Variants in VWCE observed in about 807,000 individuals in gnomAD.
VWCE encodes von Willebrand factor C and EGF domain-containing protein.
In VWCE, 68 loss-of-function variants were observed where a neutral mutation model predicts 102.9. The observed-to-expected ratio is 0.66, with a 90% confidence interval of 0.54 to 0.81. The LOEUF (loss-of-function observed/expected upper bound fraction) is 0.81. Among genes scored for constraint, VWCE ranks in the 30% least tolerant of loss-of-function variants. The pLI is 0.00. For missense variants in VWCE, 1,137 were observed against 1,263.6 expected, an observed-to-expected ratio of 0.90 and a Z score of 1.52; for synonymous variants, 497 against 515.4, an observed-to-expected ratio of 0.96 and a Z score of 0.48.
rs1350486244 is a variant in VWCE at position 61,286,169 on chromosome 11, T to C, written c.541+145A>G. On this transcript the variant is annotated intron_variant, in intron 5 of 19. Coordinates refer to ENST00000335613, the MANE Select transcript of VWCE (RefSeq NM_152718.2). The stretch of plus-strand genomic sequence containing the variant: ...CTCCACATCAGTCAGACAGGAACCA[T>C]AATAGCATCTCCCTCCGAAGCCGGT... 3.7e-6 allele frequency: 3 copies of C among 813,782 alleles called. No individual in the cohort carries two copies. In the Admixed American group the frequency reaches 5.6e-5, roughly 15 times the overall value. The allele number at this position is 813,782 out of a possible 1,614,324, so 50.4% of individuals were successfully genotyped here.
At chr11:61,286,280 C>G (rs7106411) in intron 5 of VWCE, 34 bp downstream of exon 5, 19 of 1,591,036 alleles carry the variant, frequency 1.2e-5, no homozygotes, top group South Asian at 8.8e-5. Flanking sequence ...CCCATTACCC[C>G]TCCCAGAGCA....
chr11:61,293,848 C>T (rs1206350892), intron 1 of VWCE, among the ~76,000 whole-genome samples: 1 of 152,174 alleles, frequency 6.6e-6, no homozygotes, highest in Non-Finnish European at 1.5e-5. Flanking sequence ...AAAGCTGTCC[C>T]TGGGGCCTTT....
Position 61,274,523 on chromosome 11 carries a change from G to GT in VWCE, c.1556dup (p.Asp519GlufsTer22). 1 of 1,613,300 alleles carries GT rather than the reference G, an allele frequency of 6.2e-7. No homozygotes were observed. The highest frequency in any genetic ancestry group is 1.1e-5 in the South Asian group (1 of 90,838). ...CCTGGCAAACACAGGTGGTACACTC[G>GT]TCACCACCCCCACTGAACACAGCCC... On this transcript the variant is annotated frameshift_variant, in exon 12 of 20. Transcript: ENST00000335613. LOFTEE classifies it high-confidence loss of function.
chr11:61,281,768 G>T lies in VWCE; in HGVS notation c.787+18C>A. The T allele has an allele frequency of 6.3e-7, 1 of 1,599,570 alleles. No homozygotes were observed. On this transcript the variant is annotated intron_variant, in intron 7 of 19. Transcript: ENST00000335613. ...GGGGGCGTGGCCAGCCGCCGGGATG[G>T]AGGGGCCTGGCGCTCACCTTCACAG...
chr11:61,291,708 G>T, intron 1 of VWCE, 132 bp from the exon 2 acceptor site: 1 of 750,512 alleles, frequency 1.3e-6, no homozygotes, highest in Non-Finnish European at 1.9e-6. Context: ...GCAATGGGAA[G>T]TTTCCAAAGA....
Position 61,258,843 on chromosome 11 carries a change from T to G in VWCE, c.2700A>C (p.Ala900=). 2 of 1,517,610 alleles carry G rather than the reference T, an allele frequency of 1.3e-6. No individual in the cohort carries two copies. Among genetic ancestry groups the G allele is most frequent in the Non-Finnish European group, 8.8e-7 (1 of 1,135,532 alleles). The allele number at this position is 1,517,610 out of a possible 1,614,324, so 94.0% of individuals were successfully genotyped here. ...AGGGGCTGGGGTCCATCATGGAAAG[T>G]GCTGAAGCTTCCGTCAGGAGGGTGC... is the stretch of plus-strand genomic sequence containing the variant. The part of the protein sequence containing the change: ...LPGTLLTEAS[A]LSMMDPSPSK... Residue 900 remains alanine (A), a synonymous_variant, in exon 20 of 20, where the codon GCA becomes GCC. Transcript: ENST00000335613.
At position 61,258,714 on chromosome 11, in the gene VWCE, G is replaced by T; in HGVS notation, c.2829C>A (p.Pro943=). ...CTTCCCCCCGAGAAGCCCCCACTGG[G>T]GGCTGCTGGGGGCCAGGGTGGGTGG... ...AATTHPGPQQ[P]PVGASRGEES... Residue 943 remains proline (P), a synonymous_variant, in exon 20 of 20, where the codon CCC becomes CCA. Coordinates refer to ENST00000335613, the MANE Select transcript of VWCE (RefSeq NM_152718.2). 7.2e-7 allele frequency: 1 copy of T among 1,395,260 alleles called. No homozygotes were observed. Among genetic ancestry groups the T allele is most frequent in the Non-Finnish European group, 9.3e-7 (1 of 1,071,302 alleles). 86.4% of individuals were successfully genotyped at this position (1,395,260 alleles called of 1,614,324 possible).
chr11:61,292,321 CAGAG>C (rs1221714239), intron 1 of VWCE, among the ~76,000 whole-genome samples: 1 of 152,220 alleles, frequency 6.6e-6, no homozygotes, highest in Non-Finnish European at 1.5e-5. Context: ...GGCACCTTCT[CAGAG>C]AGGCCTTCCT....
chr11:61,260,265 A>T (rs559450716), intron 19 of VWCE, among the ~76,000 whole-genome samples: 6 of 152,146 alleles, frequency 3.9e-5, no homozygotes, highest in East Asian at 1.9e-4. Context: ...ACCAAAATTT[A>T]AAAAAAGGCT....
At position 61,258,555 on chromosome 11, in the gene VWCE, G is replaced by A. The variant is rs1854251157; in HGVS notation, c.*120C>T. 2.9e-6 allele frequency: 3 copies of A among 1,042,532 alleles called. No individual in the cohort carries two copies. The highest frequency in any genetic ancestry group is 3.7e-6 in the Non-Finnish European group (3 of 801,576). 64.6% of individuals were successfully genotyped at this position (1,042,532 alleles called of 1,614,324 possible). Reference sequence around the variant, plus strand: ...CTTGGGGGTCTTCCATCCTCACCAGGGCCCCTGCAGGAGGGAGCCCAGGCA... The same window carrying A: ...CTTGGGGGTCTTCCATCCTCACCAGAGCCCCTGCAGGAGGGAGCCCAGGCA... On this transcript the variant is annotated 3_prime_UTR_variant, in exon 20 of 20. Coordinates refer to ENST00000335613, the MANE Select transcript of VWCE (RefSeq NM_152718.2).
At chr11:61,271,016 G>C (rs1224562418) in intron 14 of VWCE, 2 of 151,688 alleles carry the variant, frequency 1.3e-5, no homozygotes, top group Admixed American at 1.3e-4. Flanking sequence ...GCTAATTTTT[G>C]TATTTTTTTG....
At chr11:61,266,331 G>C (rs1432164709) in intron 16 of VWCE, among the ~76,000 whole-genome samples, 10 of 152,128 alleles carry the variant, frequency 6.6e-5, no homozygotes. Flanking sequence ...CCTGAGCCCA[G>C]AAGTTCCATA....
In VWCE at chr11:61,291,481, C is replaced by T. The variant is rs1283542159; in HGVS notation, c.205+1G>A. On this transcript the variant is annotated splice_donor_variant, in intron 2 of 19. Coordinates refer to ENST00000335613, the MANE Select transcript of VWCE (RefSeq NM_152718.2). LOFTEE classifies it high-confidence loss of function. ...CTTGGGGCACAGGGACAAGCACTTA[C>T]GCAGGGTGCAGTGCCCACCACCCAT... 3.2e-6 allele frequency: 5 copies of T among 1,555,930 alleles called. No individual in the cohort carries two copies. Among genetic ancestry groups the T allele is most frequent in the Non-Finnish European group, 4.4e-6 (5 of 1,149,174 alleles).
Position 61,258,729 on chromosome 11 carries a change from A to G in VWCE, c.2814T>C (p.Pro938=). Residue 938 remains proline (P), a synonymous_variant, in exon 20 of 20, where the codon CCT becomes CCC. Transcript: ENST00000335613. ...LSTALAATTH[P]GPQQPPVGAS... ...CCCCCACTGGGGGCTGCTGGGGGCC[A>G]GGGTGGGTGGTGGCTGCAAGGGCTG... 1 of 1,389,030 alleles carries G rather than the reference A, an allele frequency of 7.2e-7. No individual in the cohort carries two copies. Among genetic ancestry groups the G allele is most frequent in the Non-Finnish European group, 9.4e-7 (1 of 1,067,362 alleles). The allele number at this position is 1,389,030 out of a possible 1,614,324, so 86.0% of individuals were successfully genotyped here. A position where few individuals can be genotyped will look rare whatever the true frequency, so the allele number is the denominator to read the frequency against.
chr11:61,265,293 ACT>A lies in VWCE; in HGVS notation c.1966-83_1966-82del, dbSNP rs1345978481. On this transcript the variant is annotated intron_variant, in intron 16 of 19. Coordinates refer to ENST00000335613, the MANE Select transcript of VWCE (RefSeq NM_152718.2). ...TCAGGAAGATGCCGCTCCTATAGCC[ACT>A]GAGTGTCCATCAGAACAATCAACAT... 10 of 1,240,616 alleles carry A rather than the reference ACT, an allele frequency of 8.1e-6. No individual in the cohort carries two copies. In the African/African-American group the frequency reaches 1.5e-4, roughly 19 times the overall value. 76.9% of individuals were successfully genotyped at this position (1,240,616 alleles called of 1,614,324 possible). A position where few individuals can be genotyped will look rare whatever the true frequency, so the allele number is the denominator to read the frequency against.
intron 14 of VWCE, among the ~76,000 whole-genome samples, chr11:61,270,367 A>C (rs1854648610): frequency 6.6e-6 from 1 of 152,204 alleles, no homozygotes; most frequent in South Asian, 2.1e-4. Context: ...TGCACGTCTA[A>C]CCAGGGCTCC....
At position 61,281,142 on chromosome 11, in the gene VWCE, G is replaced by A. The variant is rs1469737216; in HGVS notation, c.881C>T (p.Pro294Leu). Residue 294 changes from proline to leucine, a missense_variant, in exon 8 of 20, where the codon CCT (proline) becomes CTT (leucine). Physicochemically the swap from Pro to Leu is moderately conservative, Grantham distance 98 (BLOSUM62 -3). Around this residue, in one of 5 missense-constraint regions of VWCE, gnomAD observed 575 missense variants for 625.9 expected, o/e 0.92. Coordinates refer to ENST00000335613, the MANE Select transcript of VWCE (RefSeq NM_152718.2). Reference protein sequence around the residue: ...MLLLLPEAGRPALSPGHSPPS... With the variant: ...MLLLLPEAGRLALSPGHSPPS... Reference sequence around the variant, plus strand: ...AGGGCTATGTCCTGGGGACAGGGCAGGCCGGCCGGCCTCAGGAAGCAACAG... The same window carrying A: ...AGGGCTATGTCCTGGGGACAGGGCAAGCCGGCCGGCCTCAGGAAGCAACAG... 1.2e-6 allele frequency: 2 copies of A among 1,613,650 alleles called. No homozygotes were observed. The highest frequency in any genetic ancestry group is 1.7e-6 in the Non-Finnish European group (2 of 1,179,988).
At position 61,276,573 on chromosome 11, in the gene VWCE, G is replaced by T. The variant is rs2134789211; in HGVS notation, c.1495+20C>A. 6.9e-7 allele frequency: 1 copy of T among 1,449,178 alleles called. No homozygotes were observed. Among genetic ancestry groups the T allele is most frequent in the Non-Finnish European group, 9.3e-7 (1 of 1,079,576 alleles). 89.8% of individuals were successfully genotyped at this position (1,449,178 alleles called of 1,614,324 possible). ...CTAAAAAAAAAAAAAAAAGCAAAAT[G>T]CTCCAAGAGTGTCACTTACCTGGAA... On this transcript the variant is annotated intron_variant, in intron 11 of 19. Transcript: ENST00000335613.
chr11:61,274,445 C>T (rs1854840522), intron 12 of VWCE, 54 bp downstream of exon 12: 3 of 1,548,972 alleles, frequency 1.9e-6, no homozygotes, highest in Non-Finnish European at 2.7e-6. Context: ...AAGTGTTGTG[C>T]CTCGCTCCCC....
Sources: gnomAD v4.1 joint callset for allele counts (sites outside exome capture counted in the v4.1 genomes callset) on GRCh38, gnomAD v4.1.1 for gene constraint, gnomAD v4.1.1 regional missense constraint, MANE v1.5 for transcripts, NCBI Gene and HGNC (gene_info 2026-07-23, HGNC 2026-07-21) for gene names.